TNFSF4: variants seen among roughly 807,000 people sequenced by gnomAD.
TNFSF4 encodes the protein tumor necrosis factor ligand superfamily member 4.
A neutral mutation model predicts 7.3 loss-of-function variants in TNFSF4; 4 were observed. That is an observed-to-expected ratio of 0.55 (90% CI 0.27 to 1.25). The LOEUF (loss-of-function observed/expected upper bound fraction) is 1.25, where lower values mean the gene tolerates loss of function less well. Ranked by LOEUF, TNFSF4 falls within the 50% of genes most tolerant of loss-of-function variation. TNFSF4 has a pLI of 0.12. For missense variants in TNFSF4, 181 were observed against 208.8 expected, an observed-to-expected ratio of 0.87 and a Z score of 0.82; for synonymous variants, 76 against 83.7, an observed-to-expected ratio of 0.91 and a Z score of 0.50.
At chr1:173,178,341 C>T in the TNFSF4 span, among the ~76,000 whole-genome samples, 1 of 152,070 alleles carries the variant, frequency 6.6e-6, no homozygotes, top group African/African-American at 2.4e-5. Context: ...TTTGGGAGGC[C>T]GAGGCAGGCG....
chr1:173,329,107 A>G, the TNFSF4 span, among the ~76,000 whole-genome samples: 1 of 152,206 alleles, frequency 6.6e-6, no homozygotes, highest in African/African-American at 2.4e-5. Flanking sequence ...ATCTTTTTAA[A>G]ATTATGCCTG....
chr1:173,235,146 A>T, the TNFSF4 span, among the ~76,000 whole-genome samples: 2 of 152,178 alleles, frequency 1.3e-5, no homozygotes, highest in African/African-American at 4.8e-5. Flanking sequence ...TCAATGAAAA[A>T]TTCGAAAGAC....
chr1:173,441,201 A>G, the TNFSF4 span, among the ~76,000 whole-genome samples: 3 of 151,116 alleles, frequency 2.0e-5, no homozygotes, highest in Non-Finnish European at 1.5e-5. Flanking sequence ...TCTCCTATCC[A>G]CCCTCTCCAA....
In TNFSF4 at chr1:173,186,172, T is replaced by G; in HGVS notation, c.*344A>C. On this transcript the variant is annotated 3_prime_UTR_variant, in exon 3 of 3. Transcript: ENST00000281834. ...TAGTCAGGTACCGTTTTCAATGACA[T>G]AAGTTTATTATGACAATTGCCTGAC... 1 of 198,962 alleles carries G rather than the reference T, an allele frequency of 5.0e-6. No homozygotes were observed. Among genetic ancestry groups the G allele is most frequent in the East Asian group, 1.2e-4 (1 of 8,510 alleles). The allele number at this position is 198,962 out of a possible 1,614,324, so 12.3% of individuals were successfully genotyped here.
intron 1 of TNFSF4, among the ~76,000 whole-genome samples, chr1:173,192,760 T>A (rs1005223086): frequency 6.6e-6 from 1 of 152,238 alleles, no homozygotes; most frequent in African/African-American, 2.4e-5. Context: ...TACTCAAGAC[T>A]ACTTAGCTGT....
the TNFSF4 span, among the ~76,000 whole-genome samples, chr1:173,346,414 G>A: frequency 6.6e-6 from 1 of 152,108 alleles, no homozygotes; most frequent in African/African-American, 2.4e-5. Context: ...ATAAAGGAGA[G>A]GTCTAAAATA....
At chr1:173,431,826 C>T in the TNFSF4 span, among the ~76,000 whole-genome samples, 1 of 152,176 alleles carries the variant, frequency 6.6e-6, no homozygotes, top group Non-Finnish European at 1.5e-5. Flanking sequence ...GGTGACAGGT[C>T]ATGTGCTTAC....
At chr1:173,398,369 C>T in the TNFSF4 span, among the ~76,000 whole-genome samples, 1 of 148,000 alleles carries the variant, frequency 6.8e-6, no homozygotes, top group Non-Finnish European at 1.5e-5. Context: ...ATAAATTCAA[C>T]AAAAATTCAA....
At chr1:173,292,897 C>T in the TNFSF4 span, among the ~76,000 whole-genome samples, 58 of 151,698 alleles carry the variant, frequency 3.8e-4, 2 homozygotes, top group East Asian at 0.011. Context: ...ATTAAAAATA[C>T]CCAGAAAAAT....
the TNFSF4 span, among the ~76,000 whole-genome samples, chr1:173,292,044 T>TTA: frequency 6.6e-6 from 1 of 151,626 alleles, no homozygotes. Flanking sequence ...CACAGCTGAA[T>TTA]TATACCAAAC....
the TNFSF4 span, among the ~76,000 whole-genome samples, chr1:173,395,033 TAGATGATAGATAGATA>T: frequency 2.2e-3 from 235 of 106,472 alleles, no homozygotes; most frequent in Admixed American, 0.015. Context: ...GATAGATAGA[TAGATGATAGATAGATA>T]GATAGATAGA....
the TNFSF4 span, among the ~76,000 whole-genome samples, chr1:173,380,085 C>CTCCTG: frequency 6.6e-6 from 1 of 152,208 alleles, no homozygotes. Flanking sequence ...CAGTGTTAAT[C>CTCCTG]TCCTGTCCCA....
the TNFSF4 span, among the ~76,000 whole-genome samples, chr1:173,357,908 G>A: frequency 1.3e-5 from 2 of 152,206 alleles, no homozygotes; most frequent in Admixed American, 1.3e-4. Flanking sequence ...TATAGATAAG[G>A]TGAGGCTACA....
chr1:173,289,110 T>C, the TNFSF4 span, among the ~76,000 whole-genome samples: 1 of 151,814 alleles, frequency 6.6e-6, no homozygotes. Flanking sequence ...GAGGCCAAAG[T>C]GATTAGGTTT....
the TNFSF4 span, among the ~76,000 whole-genome samples, chr1:173,367,921 T>C: frequency 6.6e-6 from 1 of 152,180 alleles, no homozygotes; most frequent in African/African-American, 2.4e-5. Context: ...AACTTTTCTG[T>C]CTTACAAGAG....
the TNFSF4 span, among the ~76,000 whole-genome samples, chr1:173,228,805 C>T: frequency 3.9e-5 from 6 of 152,106 alleles, no homozygotes; most frequent in African/African-American, 1.4e-4. Context: ...GTAGCTGATT[C>T]AATCAACTGG....
chr1:173,209,059 A>G (rs1417930411), upstream of TNFSF4, among the ~76,000 whole-genome samples: 1 of 152,166 alleles, frequency 6.6e-6, no homozygotes, highest in African/African-American at 2.4e-5. Flanking sequence ...AAATCTTTGC[A>G]CAGAGTCATC....
chr1:173,223,068 C>T, the TNFSF4 span, among the ~76,000 whole-genome samples: 1 of 152,134 alleles, frequency 6.6e-6, no homozygotes, highest in East Asian at 1.9e-4. Flanking sequence ...AATCTGAATC[C>T]CAGCTTGCCT....
At chr1:173,177,374 T>A in the TNFSF4 span, among the ~76,000 whole-genome samples, 11 of 152,088 alleles carry the variant, frequency 7.2e-5, no homozygotes, top group Admixed American at 3.9e-4. Context: ...TTCTTACTCA[T>A]AAGTGGGACC....
Sources: allele counts gnomAD v4.1 joint callset (sites outside exome capture counted in the v4.1 genomes callset), GRCh38; gene constraint gnomAD v4.1.1; transcripts MANE v1.5; gene names NCBI Gene and HGNC (gene_info 2026-07-23, HGNC 2026-07-21).